ABCC9: variants seen among roughly 807,000 people sequenced by gnomAD.
The protein encoded by ABCC9 is ATP binding cassette subfamily C member 9.
In ABCC9, 95 loss-of-function variants were observed where a neutral mutation model predicts 188.3. The ratio of observed to expected loss-of-function variants is 0.50; its 90% CI spans 0.43 to 0.60. ABCC9 has a LOEUF of 0.60. Ranked by LOEUF, ABCC9 falls within the 20% of genes least tolerant of loss-of-function variation. The pLI, the probability that ABCC9 is intolerant of heterozygous loss-of-function variation, is 0.00. For missense variants in ABCC9, 1,102 were observed against 1,876.3 expected (o/e 0.59, Z 7.62); for synonymous variants, 659 against 652.7 (o/e 1.01, Z -0.15).
intron 24 of ABCC9, among the ~76,000 whole-genome samples, chr12:21,850,245 A>G (rs1268697408): frequency 6.6e-6 from 1 of 151,868 alleles, no homozygotes; most frequent in East Asian, 1.9e-4. Flanking sequence ...AAATTGGCCC[A>G]GGTTGATAGG....
At chr12:21,940,345 G>C (rs1949641738) in intron 2 of ABCC9, among the ~76,000 whole-genome samples, 1 of 152,168 alleles carries the variant, frequency 6.6e-6, no homozygotes, top group East Asian at 1.9e-4. Flanking sequence ...AAAGAACTTA[G>C]GGCTTTATCA....
chr12:21,815,970 A>C (rs1942587272), intron 33 of ABCC9, 77 bp from the exon 34 acceptor site: 10 of 1,157,110 alleles, frequency 8.6e-6, no homozygotes, highest in African/African-American at 1.6e-5. Context: ...TACATACTTA[A>C]ATACATTTAT....
Position 21,936,657 on chromosome 12 carries a change from A to G in ABCC9, c.18T>C (p.Cys6=), listed in dbSNP as rs759586176. The change falls in exon 3 of 40, where the codon TGT becomes TGC. Residue 6 remains cysteine, a synonymous_variant. Transcript: ENST00000261200. Reference sequence around the variant, plus strand: ...TATTATATGAAGAAATGTTGTTACCACAAAATGAAAGGCTCATTTCTTCTT... The same window carrying G: ...TATTATATGAAGAAATGTTGTTACCGCAAAATGAAAGGCTCATTTCTTCTT... The part of the protein sequence containing the change: MSLSF[C]GNNISSYNIN... 1.9e-6 allele frequency: 3 copies of G among 1,611,070 alleles called. No homozygotes were observed. The South Asian group carries it at 3.3e-5, about 18-fold the overall frequency.
At chr12:21,816,059 T>G (rs1220433056) in intron 33 of ABCC9, among the ~76,000 whole-genome samples, 166 bp from the exon 34 acceptor site, 3 of 126,034 alleles carry the variant, frequency 2.4e-5, no homozygotes, top group African/African-American at 7.2e-5. Flanking sequence ...TTTTTTTTTT[T>G]TTTTTTTTTT....
chr12:21,836,056 T>C (rs1210458475), intron 30 of ABCC9, among the ~76,000 whole-genome samples: 1 of 152,188 alleles, frequency 6.6e-6, no homozygotes, highest in Non-Finnish European at 1.5e-5. Context: ...TTGTTCCCAC[T>C]TCCTAAATAT....
Position 21,926,083 on chromosome 12 carries a change from A to G in ABCC9, c.285-20T>C. On this transcript the variant is annotated intron_variant, in intron 4 of 39. Coordinates refer to ENST00000261200, the MANE Select transcript of ABCC9 (RefSeq NM_020297.4). ...CGCCGCCTAGAAAGAGCAGTACGTCAACGCCTAAAGCTGATGGTTCCAGAT... is the reference window on the plus strand; with the variant it reads ...CGCCGCCTAGAAAGAGCAGTACGTCGACGCCTAAAGCTGATGGTTCCAGAT... 3 of 1,614,058 alleles carry G rather than the reference A, an allele frequency of 1.9e-6. No homozygotes were observed. Among genetic ancestry groups the G allele is most frequent in the Non-Finnish European group, 2.5e-6 (3 of 1,179,956 alleles).
intron 21 of ABCC9, among the ~76,000 whole-genome samples, chr12:21,860,055 A>G (rs571565736): frequency 1.3e-5 from 2 of 151,480 alleles, no homozygotes; most frequent in South Asian, 4.2e-4. Context: ...GTACTATCCA[A>G]GAGTATGCTT....
chr12:21,834,477 C>T (rs1943957351), intron 30 of ABCC9, among the ~76,000 whole-genome samples: 1 of 152,088 alleles, frequency 6.6e-6, no homozygotes, highest in African/African-American at 2.4e-5. Context: ...TGTCCTTGAC[C>T]TGGGTAGAGC....
chr12:21,907,512 G>T (rs931950596), intron 11 of ABCC9, among the ~76,000 whole-genome samples: 1 of 151,828 alleles, frequency 6.6e-6, no homozygotes, highest in South Asian at 2.1e-4. Context: ...CAGCAAATTC[G>T]TGCTCAAATG....
intron 5 of ABCC9, chr12:21,923,090 A>G (rs868164644): frequency 6.6e-6 from 1 of 151,424 alleles, no homozygotes; most frequent in Non-Finnish European, 1.5e-5. Context: ...TTGGAAAAAA[A>G]AAAAAAAGAA....
At chr12:21,867,668 G>C (rs551546440) in intron 18 of ABCC9, among the ~76,000 whole-genome samples, 1 of 151,962 alleles carries the variant, frequency 6.6e-6, no homozygotes, top group Admixed American at 6.6e-5. Context: ...TTCATGCCAG[G>C]AAAGTCACAT....
chr12:21,867,239 T>G lies in ABCC9; in HGVS notation c.2199-2762A>C, dbSNP rs147151146. On this transcript the variant is annotated intron_variant, in intron 18 of 39. Transcript: ENST00000261200. Reference sequence around the variant, plus strand: ...ATTCCGGCCCTCTCACATATCAATATGTTTAATCAAATTCAGTTGTGGAAG... The same window carrying G: ...ATTCCGGCCCTCTCACATATCAATAGGTTTAATCAAATTCAGTTGTGGAAG... Among the ~76,000 whole-genome samples, 859 of 152,270 alleles carry G rather than the reference T, an allele frequency of 5.6e-3. 5 individuals are homozygous for G. Among genetic ancestry groups the G allele is most frequent in the African/African-American group, 0.019 (786 of 41,568 alleles).
intron 15 of ABCC9, among the ~76,000 whole-genome samples, chr12:21,883,267 T>C (rs1181508782): frequency 1.3e-5 from 2 of 152,168 alleles, no homozygotes; most frequent in East Asian, 3.9e-4. Context: ...GGCTATGATA[T>C]GGTTTGGCTG....
intron 30 of ABCC9, among the ~76,000 whole-genome samples, chr12:21,836,441 A>G (rs977114573): frequency 7.9e-5 from 12 of 152,162 alleles, no homozygotes; most frequent in South Asian, 2.1e-4. Context: ...AGAAATCTTT[A>G]TATTTTCACA....
intron 18 of ABCC9, among the ~76,000 whole-genome samples, chr12:21,868,822 A>G (rs1346401132): frequency 6.6e-6 from 1 of 152,170 alleles, no homozygotes; most frequent in African/African-American, 2.4e-5. Flanking sequence ...GCAGCAGCTT[A>G]TGAATATCAA....
At chr12:21,890,120 C>T (rs536309311) in intron 14 of ABCC9, among the ~76,000 whole-genome samples, 88 of 152,260 alleles carry the variant, frequency 5.8e-4, no homozygotes, top group African/African-American at 2.0e-3. Flanking sequence ...ATTTTCTATT[C>T]ATACGAGGTC....
intron 20 of ABCC9, among the ~76,000 whole-genome samples, chr12:21,862,737 A>G (rs1416265467): frequency 1.3e-5 from 2 of 152,048 alleles, no homozygotes; most frequent in Non-Finnish European, 2.9e-5. Flanking sequence ...TTGGTGTACA[A>G]ATTGTTCTCA....
intron 37 of ABCC9, among the ~76,000 whole-genome samples, chr12:21,808,795 A>G (rs550995105): frequency 3.2e-4 from 48 of 151,656 alleles, no homozygotes; most frequent in African/African-American, 8.9e-4. Context: ...AAAAAAAAAA[A>G]AAAAGAAAAA....
chr12:21,901,015 A>G (rs1033743666), intron 12 of ABCC9, among the ~76,000 whole-genome samples: 127 of 152,168 alleles, frequency 8.3e-4, no homozygotes, highest in Non-Finnish European at 1.7e-3. Context: ...GATTCACCAA[A>G]GTTGAAATGA....
Sources: allele counts gnomAD v4.1 joint callset (sites outside exome capture counted in the v4.1 genomes callset), GRCh38; gene constraint gnomAD v4.1.1; transcripts MANE v1.5; gene names NCBI Gene and HGNC (gene_info 2026-07-23, HGNC 2026-07-21).